SLC35F1: variants seen among roughly 807,000 people sequenced by gnomAD.
SLC35F1 encodes the protein chromosome 6 open reading frame 169.
A neutral mutation model predicts 48.7 loss-of-function variants in SLC35F1; 14 were observed. The ratio of observed to expected loss-of-function variants is 0.29; its 90% CI spans 0.19 to 0.45. The LOEUF (loss-of-function observed/expected upper bound fraction) is 0.45. SLC35F1 is among the 20% of genes least tolerant of loss of function. The pLI, the probability that SLC35F1 is intolerant of heterozygous loss-of-function variation, is 1.00. For synonymous variants in SLC35F1, 190 were observed against 202.2 expected (o/e 0.94, Z 0.51); for missense variants, 404 against 500.0 (o/e 0.81, Z 1.83).
At chr6:118,099,013 T>C (rs1442799720) in intron 1 of SLC35F1, among the ~76,000 whole-genome samples, 1 of 152,112 alleles carries the variant, frequency 6.6e-6, no homozygotes, top group Admixed American at 6.5e-5. Context: ...GGATGGGCCG[T>C]AGATCCAAGG....
chr6:118,292,951 C>T (rs1319269258), intron 7 of SLC35F1, among the ~76,000 whole-genome samples: 1 of 152,060 alleles, frequency 6.6e-6, no homozygotes, highest in Non-Finnish European at 1.5e-5. Context: ...TTATTGAATC[C>T]AGAGCAGTAA....
intron 3 of SLC35F1, among the ~76,000 whole-genome samples, chr6:118,261,158 T>C: frequency 6.6e-6 from 1 of 152,182 alleles, no homozygotes; most frequent in East Asian, 1.9e-4. Flanking sequence ...ATAATATAAA[T>C]TCTGTCCCCA....
chr6:117,914,715 A>G (rs923784144), intron 1 of SLC35F1, among the ~76,000 whole-genome samples: 5 of 152,184 alleles, frequency 3.3e-5, no homozygotes, highest in African/African-American at 1.2e-4. Context: ...TCAAAATGCT[A>G]TAGTTTCAAA....
intron 2 of SLC35F1, among the ~76,000 whole-genome samples, chr6:118,191,726 G>A (rs755114447): frequency 3.3e-5 from 5 of 152,152 alleles, no homozygotes; most frequent in Non-Finnish European, 7.4e-5. Flanking sequence ...ATACAGTGTA[G>A]CATAATAATC....
At chr6:118,140,146 G>A (rs1222317755) in intron 1 of SLC35F1, among the ~76,000 whole-genome samples, 2 of 152,118 alleles carry the variant, frequency 1.3e-5, no homozygotes, top group Admixed American at 1.3e-4. Flanking sequence ...CCTTTACTAG[G>A]TGAGACAGAT....
At chr6:118,017,093 A>G (rs1001326787) in intron 1 of SLC35F1, among the ~76,000 whole-genome samples, 1 of 152,194 alleles carries the variant, frequency 6.6e-6, no homozygotes, top group Non-Finnish European at 1.5e-5. Context: ...TTAAGAACCA[A>G]TCTAGGAGAG....
intron 1 of SLC35F1, among the ~76,000 whole-genome samples, chr6:117,931,802 G>A (rs1309317316): frequency 6.6e-6 from 1 of 152,224 alleles, no homozygotes; most frequent in Non-Finnish European, 1.5e-5. Flanking sequence ...ACTGCAGCCA[G>A]TTGCTGCTTA....
intron 6 of SLC35F1, among the ~76,000 whole-genome samples, chr6:118,280,476 G>A (rs1458546987): frequency 1.3e-5 from 2 of 152,098 alleles, no homozygotes; most frequent in Non-Finnish European, 2.9e-5. Context: ...CTTGGTTTTG[G>A]TTTTAGTGTT....
At chr6:118,109,067 C>T (rs144786264) in intron 1 of SLC35F1, among the ~76,000 whole-genome samples, 1 of 152,222 alleles carries the variant, frequency 6.6e-6, no homozygotes, top group East Asian at 1.9e-4. Flanking sequence ...TGGAACTTCA[C>T]ATGTAGAAAC....
At chr6:118,030,786 T>C (rs887461134) in intron 1 of SLC35F1, among the ~76,000 whole-genome samples, 1 of 152,212 alleles carries the variant, frequency 6.6e-6, no homozygotes, top group Non-Finnish European at 1.5e-5. Context: ...TGTTCTCTCT[T>C]TGAAGCTTTC....
intron 1 of SLC35F1, among the ~76,000 whole-genome samples, chr6:117,970,051 G>C (rs548538315): frequency 4.5e-4 from 68 of 152,264 alleles, no homozygotes; most frequent in Non-Finnish European, 6.9e-4. Context: ...TCTGTTTTTA[G>C]GAAGTTCGTA....
rs1400521618 is a variant in SLC35F1 at position 118,112,117 on chromosome 6, T to C, written c.174-42328T>C. Among the ~76,000 whole-genome samples the C allele has an allele frequency of 2.0e-3, 178 of 90,802 alleles. 3 individuals are homozygous for C. Among genetic ancestry groups the C allele is most frequent in the South Asian group, 1.0e-3 (3 of 2,910 alleles). 59.6% of individuals were successfully genotyped at this position (90,802 alleles called of 152,430 possible). A position where few individuals can be genotyped will look rare whatever the true frequency, so the allele number is the denominator to read the frequency against. On this transcript the variant is annotated intron_variant, in intron 1 of 7. Coordinates refer to ENST00000360388, the MANE Select transcript of SLC35F1 (RefSeq NM_001029858.4). ...TTTTCTTTTCTTTTCTTTTCTTTTC[T>C]TTTCTTTTCTTTTCTTTTCTTTTCT... is the stretch of plus-strand genomic sequence containing the variant.
intron 1 of SLC35F1, among the ~76,000 whole-genome samples, chr6:118,029,889 G>T (rs1031396056): frequency 1.3e-5 from 2 of 152,130 alleles, no homozygotes; most frequent in Non-Finnish European, 2.9e-5. Context: ...ACTAGGCTTT[G>T]CATCCCTTTC....
chr6:118,006,732 C>A (rs1342940190), intron 1 of SLC35F1, among the ~76,000 whole-genome samples: 2 of 151,966 alleles, frequency 1.3e-5, no homozygotes, highest in Admixed American at 1.3e-4. Context: ...ACATTTAATG[C>A]AAAAATTTCC....
At chr6:117,970,440 C>A (rs2114842501) in intron 1 of SLC35F1, among the ~76,000 whole-genome samples, 1 of 152,274 alleles carries the variant, frequency 6.6e-6, no homozygotes, top group South Asian at 2.1e-4. Flanking sequence ...TCTCTATCTA[C>A]TTTTTAAATA....
intron 1 of SLC35F1, among the ~76,000 whole-genome samples, chr6:118,038,041 A>C (rs947168997): frequency 2.0e-5 from 3 of 152,192 alleles, no homozygotes; most frequent in Non-Finnish European, 4.4e-5. Flanking sequence ...TAAAATAAAA[A>C]AAATACTATT....
At chr6:118,055,764 GGAA>G (rs764093468) in intron 1 of SLC35F1, among the ~76,000 whole-genome samples, 2 of 152,170 alleles carry the variant, frequency 1.3e-5, no homozygotes, top group Non-Finnish European at 2.9e-5. Context: ...CCAACTGCAA[GGAA>G]GAAGTAGACA....
intron 1 of SLC35F1, among the ~76,000 whole-genome samples, chr6:118,100,439 G>A (rs2114363216): frequency 6.6e-6 from 1 of 152,202 alleles, no homozygotes; most frequent in East Asian, 1.9e-4. Flanking sequence ...CCAATTTAGG[G>A]GCTCTATGGA....
At chr6:117,972,515 T>C (rs1400569669) in intron 1 of SLC35F1, among the ~76,000 whole-genome samples, 1 of 152,170 alleles carries the variant, frequency 6.6e-6, no homozygotes, top group Admixed American at 6.5e-5. Flanking sequence ...GACTGGGTTA[T>C]TTATAAAGAA....
Sources: gnomAD v4.1 joint callset for allele counts (sites outside exome capture counted in the v4.1 genomes callset) on GRCh38, gnomAD v4.1.1 for gene constraint, MANE v1.5 for transcripts, NCBI Gene and HGNC (gene_info 2026-07-23, HGNC 2026-07-21) for gene names.